The following ULK4 variants were observed in gnomAD, a reference collection of about 807,000 sequenced individuals.
ULK4 encodes the protein inactive serine/threonine-protein kinase ULK4.
A neutral mutation model predicts 160.6 loss-of-function variants in ULK4; 133 were observed. The ratio of observed to expected loss-of-function variants is 0.83; its 90% CI spans 0.72 to 0.96. ULK4 has a LOEUF of 0.96. Among genes scored for constraint, ULK4 ranks in the 40% least tolerant of loss-of-function variants. The pLI is 0.00. For missense variants in ULK4, 1,580 were observed against 1,499.5 expected, an observed-to-expected ratio of 1.05 and a Z score of -0.89; for synonymous variants, 534 against 539.8, an observed-to-expected ratio of 0.99 and a Z score of 0.15.
chr3:41,448,523 G>A (rs2083355463), intron 34 of ULK4, among the ~76,000 whole-genome samples: 1 of 152,212 alleles, frequency 6.6e-6, no homozygotes, highest in African/African-American at 2.4e-5. Flanking sequence ...AGTTTATTAA[G>A]TCAATGCATG....
chr3:41,289,470 T>G (rs1374830696), intron 35 of ULK4, among the ~76,000 whole-genome samples: 1 of 152,238 alleles, frequency 6.6e-6, no homozygotes, highest in Non-Finnish European at 1.5e-5. Context: ...TAGAGCATTA[T>G]TGAAAATATC....
chr3:41,456,923 A>C (rs1406494671), intron 33 of ULK4, among the ~76,000 whole-genome samples: 5 of 152,120 alleles, frequency 3.3e-5, no homozygotes, highest in Admixed American at 3.3e-4. Flanking sequence ...AAAATCGGAC[A>C]CCTGTTTTTA....
intron 17 of ULK4, among the ~76,000 whole-genome samples, chr3:41,858,812 T>C (rs550907026): frequency 8.3e-5 from 12 of 145,202 alleles, no homozygotes; most frequent in South Asian, 4.4e-4. Context: ...GCCCAAATTC[T>C]TTTTTCCCCC....
At chr3:41,444,360 C>CT (rs1575227073) in intron 34 of ULK4, among the ~76,000 whole-genome samples, 1 of 106,342 alleles carries the variant, frequency 9.4e-6, no homozygotes, top group East Asian at 2.8e-4. Flanking sequence ...ATTTAAGTGA[C>CT]TTCTCTCTCT....
intron 35 of ULK4, among the ~76,000 whole-genome samples, chr3:41,308,357 C>T (rs140452918): frequency 7.8e-4 from 119 of 152,078 alleles, no homozygotes; most frequent in Admixed American, 1.3e-3. Flanking sequence ...AAAGATAACT[C>T]TGAAGATAAG....
At chr3:41,499,835 T>C (rs1048348867) in intron 32 of ULK4, among the ~76,000 whole-genome samples, 1 of 152,210 alleles carries the variant, frequency 6.6e-6, no homozygotes, top group Non-Finnish European at 1.5e-5. Context: ...TGATATTTAA[T>C]AGTGTCTAGG....
At chr3:41,418,980 G>C (rs2082595575) in intron 34 of ULK4, among the ~76,000 whole-genome samples, 1 of 152,174 alleles carries the variant, frequency 6.6e-6, no homozygotes, top group South Asian at 2.1e-4. Flanking sequence ...GTGAGGGAAG[G>C]AGTCATGTGA....
chr3:41,780,631 T>C (rs776614672), intron 21 of ULK4, among the ~76,000 whole-genome samples: 6 of 152,144 alleles, frequency 3.9e-5, no homozygotes, highest in Non-Finnish European at 7.4e-5. Context: ...TGGGTAGGTA[T>C]GGGAGCCACC....
At chr3:41,317,176 C>T (rs2080161293) in intron 35 of ULK4, among the ~76,000 whole-genome samples, 1 of 148,498 alleles carries the variant, frequency 6.7e-6, no homozygotes, top group African/African-American at 2.5e-5. Flanking sequence ...CCCGGGTTCA[C>T]GCCATTCTCC....
At chr3:41,700,632 A>G (rs2036642648) in intron 27 of ULK4, among the ~76,000 whole-genome samples, 1 of 152,220 alleles carries the variant, frequency 6.6e-6, no homozygotes. Context: ...AGTTGATTTC[A>G]GGGAATGCCC....
At chr3:41,778,097 C>T (rs1432683196) in intron 21 of ULK4, among the ~76,000 whole-genome samples, 4 of 125,304 alleles carry the variant, frequency 3.2e-5, no homozygotes, top group African/African-American at 7.9e-5. Flanking sequence ...CTGTCTCAGC[C>T]CAAAATCTCC....
chr3:41,855,484 C>G (rs548915217), intron 17 of ULK4, among the ~76,000 whole-genome samples: 1 of 152,274 alleles, frequency 6.6e-6, no homozygotes, highest in African/African-American at 2.4e-5. Context: ...ACAACTATGC[C>G]TCCTATATGA....
intron 35 of ULK4, among the ~76,000 whole-genome samples, chr3:41,305,226 C>T (rs929219553): frequency 6.6e-6 from 1 of 152,130 alleles, no homozygotes; most frequent in Non-Finnish European, 1.5e-5. Flanking sequence ...TCTCCCTCTC[C>T]CTCTCCCCAC....
chr3:41,662,855 T>G (rs944884549), intron 30 of ULK4, among the ~76,000 whole-genome samples: 13 of 152,074 alleles, frequency 8.5e-5, no homozygotes, highest in Admixed American at 7.9e-4. Flanking sequence ...CTAAAGAAAT[T>G]TGGCATCATC....
At chr3:41,651,165 C>T (rs1347196399) in intron 30 of ULK4, among the ~76,000 whole-genome samples, 2 of 152,186 alleles carry the variant, frequency 1.3e-5, no homozygotes, top group African/African-American at 4.8e-5. Context: ...CTGTCCTCAT[C>T]ATACTGACCC....
intron 6 of ULK4, among the ~76,000 whole-genome samples, chr3:41,918,775 G>C (rs780646315): frequency 6.6e-6 from 1 of 151,636 alleles, no homozygotes; most frequent in Non-Finnish European, 1.5e-5. Context: ...CTAATTTTTT[G>C]TATTTTTAGT....
chr3:41,470,801 A>C (rs2083971409), intron 32 of ULK4, among the ~76,000 whole-genome samples: 2 of 152,194 alleles, frequency 1.3e-5, no homozygotes, highest in Non-Finnish European at 2.9e-5. Context: ...TGTTCTATGT[A>C]AGTCTCATGG....
At chr3:41,370,078 G>A (rs900890077) in intron 35 of ULK4, among the ~76,000 whole-genome samples, 2 of 152,042 alleles carry the variant, frequency 1.3e-5, no homozygotes, top group Non-Finnish European at 2.9e-5. Flanking sequence ...AAAGGGCCCG[G>A]TATCTGTGAT....
At chr3:41,472,087 TTAGAC>T (rs1433941321) in intron 32 of ULK4, among the ~76,000 whole-genome samples, 1 of 150,878 alleles carries the variant, frequency 6.6e-6, no homozygotes, top group African/African-American at 2.4e-5. Context: ...TGAGAAATCT[TTAGAC>T]TAAGAAAAAA....
Sources: allele counts gnomAD v4.1 joint callset (sites outside exome capture counted in the v4.1 genomes callset), GRCh38; gene constraint gnomAD v4.1.1; transcripts MANE v1.5; gene names NCBI Gene and HGNC (gene_info 2026-07-23, HGNC 2026-07-21).